Variants in GPHN observed in about 807,000 individuals in gnomAD.
The protein encoded by GPHN is gephyrin.
A neutral mutation model predicts 95.5 loss-of-function variants in GPHN; 17 were observed. The ratio of observed to expected loss-of-function variants is 0.18; its 90% CI spans 0.12 to 0.27. The LOEUF (loss-of-function observed/expected upper bound fraction) is 0.27. Ranked by LOEUF, GPHN falls within the 10% of genes least tolerant of loss-of-function variation. GPHN has a pLI of 1.00. For synonymous variants in GPHN, 320 were observed against 322.5 expected (o/e 0.99, Z 0.08); for missense variants, 660 against 978.1 (o/e 0.67, Z 4.34).
At chr14:67,392,223 G>C in the GPHN span, 1 of 800,248 alleles carries the variant, frequency 1.2e-6, no homozygotes, top group Non-Finnish European at 2.2e-6. Context: ...GCTGTAATTG[G>C]TGCCCTCCAG....
the GPHN span, among the ~76,000 whole-genome samples, chr14:67,708,511 A>G: frequency 6.6e-6 from 1 of 152,330 alleles, no homozygotes; most frequent in African/African-American, 2.4e-5. Flanking sequence ...GAAAGGTTTT[A>G]GGGCAGCCAT....
At chr14:66,978,216 G>T (rs1198818548) in intron 9 of GPHN, among the ~76,000 whole-genome samples, 2 of 152,172 alleles carry the variant, frequency 1.3e-5, no homozygotes, top group African/African-American at 4.8e-5. Context: ...GACTGATCAG[G>T]GTAGTGGCTG....
intron 20 of GPHN, among the ~76,000 whole-genome samples, chr14:67,168,490 A>G (rs1000961326): frequency 1.3e-4 from 20 of 152,176 alleles, no homozygotes; most frequent in Non-Finnish European, 2.4e-4. Context: ...GAAGATTATA[A>G]ATAAGTTTCC....
intron 9 of GPHN, among the ~76,000 whole-genome samples, chr14:66,996,012 A>G (rs1259695998): frequency 6.6e-6 from 1 of 152,178 alleles, no homozygotes; most frequent in African/African-American, 2.4e-5. Context: ...TTTCCTTCAA[A>G]TAACTTGAGT....
chr14:66,698,894 T>C (rs547293235), intron 2 of GPHN, among the ~76,000 whole-genome samples: 1 of 152,310 alleles, frequency 6.6e-6, no homozygotes, highest in South Asian at 2.1e-4. Flanking sequence ...GAAAAAAATC[T>C]GCAGATAAGT....
the GPHN span, among the ~76,000 whole-genome samples, chr14:67,635,670 A>G: frequency 1.3e-5 from 2 of 152,128 alleles, no homozygotes; most frequent in African/African-American, 4.8e-5. Flanking sequence ...TCTGGCCAAC[A>G]TGGTGAAACC....
chr14:66,952,355 C>T (rs984348202), intron 8 of GPHN, among the ~76,000 whole-genome samples: 2 of 149,670 alleles, frequency 1.3e-5, no homozygotes, highest in Admixed American at 6.6e-5. Flanking sequence ...CATGTTGTAG[C>T]ATGTATCAGT....
chr14:67,166,815 G>A (rs937406580), intron 20 of GPHN, among the ~76,000 whole-genome samples: 1 of 152,016 alleles, frequency 6.6e-6, no homozygotes. Flanking sequence ...GACTATAGGC[G>A]CTTGCTACCA....
At chr14:66,960,844 C>T (rs530553299) in intron 8 of GPHN, among the ~76,000 whole-genome samples, 75 of 152,232 alleles carry the variant, frequency 4.9e-4, no homozygotes, top group African/African-American at 1.7e-3. Context: ...TACATGGGAG[C>T]TTTTCAGAGT....
At chr14:67,041,332 A>G (rs2074691579) in intron 10 of GPHN, among the ~76,000 whole-genome samples, 1 of 151,900 alleles carries the variant, frequency 6.6e-6, no homozygotes, top group Admixed American at 6.6e-5. Context: ...CCCATCACCT[A>G]CATTAGGTAT....
the GPHN span, chr14:67,317,613 GAGTA>G: frequency 9.2e-6 from 5 of 542,798 alleles, no homozygotes; most frequent in Admixed American, 7.5e-5. Context: ...GGAATCCTGT[GAGTA>G]AGGCAGTGTT....
the GPHN span, among the ~76,000 whole-genome samples, chr14:67,388,714 C>T: frequency 6.6e-6 from 1 of 152,114 alleles, no homozygotes; most frequent in Non-Finnish European, 1.5e-5. Context: ...GAGTCTCACT[C>T]TGTCTTTCAG....
intron 1 of GPHN, among the ~76,000 whole-genome samples, chr14:66,680,650 C>T (rs1341682606): frequency 6.6e-6 from 1 of 152,142 alleles, no homozygotes; most frequent in African/African-American, 2.4e-5. Flanking sequence ...AAATAATCAG[C>T]AGGATTAGCT....
the GPHN span, among the ~76,000 whole-genome samples, chr14:67,599,844 G>A: frequency 4.6e-5 from 7 of 152,166 alleles, no homozygotes; most frequent in Non-Finnish European, 8.8e-5. Flanking sequence ...TTCACTAAAC[G>A]TCATTTAAAG....
chr14:66,877,893 A>G (rs1036944089), intron 4 of GPHN, among the ~76,000 whole-genome samples: 1 of 151,850 alleles, frequency 6.6e-6, no homozygotes, highest in African/African-American at 2.4e-5. Context: ...TTAATATGGA[A>G]CCAAAAAGAG....
chr14:67,250,032 C>G, the GPHN span, among the ~76,000 whole-genome samples: 2 of 152,062 alleles, frequency 1.3e-5, no homozygotes, highest in Non-Finnish European at 2.9e-5. Context: ...TAAAGCTGTT[C>G]TATTTTGTTT....
chr14:66,735,091 C>A (rs1462025597), intron 2 of GPHN, among the ~76,000 whole-genome samples: 3 of 152,062 alleles, frequency 2.0e-5, no homozygotes, highest in Non-Finnish European at 4.4e-5. Flanking sequence ...ACCAACAAGT[C>A]TTAGTAGTTA....
At chr14:66,529,939 T>G (rs2058847846) in intron 1 of GPHN, among the ~76,000 whole-genome samples, 1 of 152,176 alleles carries the variant, frequency 6.6e-6, no homozygotes, top group African/African-American at 2.4e-5. Flanking sequence ...AGGGACCCAC[T>G]TGAGGCCGTC....
chr14:67,236,226 C>T, the GPHN span, among the ~76,000 whole-genome samples: 1 of 152,112 alleles, frequency 6.6e-6, no homozygotes, highest in Non-Finnish European at 1.5e-5. Flanking sequence ...ACCAACATCT[C>T]CCCACTCCTC....
Sources: gnomAD v4.1 joint callset for allele counts (sites outside exome capture counted in the v4.1 genomes callset) on GRCh38, gnomAD v4.1.1 for gene constraint, MANE v1.5 for transcripts, NCBI Gene and HGNC (gene_info 2026-07-23, HGNC 2026-07-21) for gene names.